Variants in PTPRU observed in about 807,000 individuals in gnomAD.
PTPRU encodes receptor-type tyrosine-protein phosphatase U.
A neutral mutation model predicts 166.3 loss-of-function variants in PTPRU; 69 were observed. The observed-to-expected ratio is 0.41, with a 90% CI of 0.34 to 0.51. The LOEUF (loss-of-function observed/expected upper bound fraction) is 0.51. Among genes scored for constraint, PTPRU ranks in the 20% least tolerant of loss-of-function variants. The pLI, the probability that PTPRU is intolerant of heterozygous loss-of-function variation, is 0.09. For synonymous variants in PTPRU, 793 were observed against 814.0 expected (o/e 0.97, Z 0.44); for missense variants, 1,657 against 2,013.7 (o/e 0.82, Z 3.39).
At chr1:29,305,460 C>CT (rs1400680013) in intron 18 of PTPRU, 32 bp downstream of exon 18, 1 of 1,594,400 alleles carries the variant, frequency 6.3e-7, no homozygotes, top group African/African-American at 1.3e-5. Context: ...TTCTGCAGAC[C>CT]TGGCCCTGCC....
At chr1:29,255,239 G>C in intron 1 of PTPRU, 36 bp from the exon 2 acceptor site, 1 of 1,603,256 alleles carries the variant, frequency 6.2e-7, no homozygotes, top group South Asian at 1.1e-5. Context: ...CAGCAGCCCT[G>C]CCTTAGCCTG....
intron 15 of PTPRU, among the ~76,000 whole-genome samples, chr1:29,292,711 C>G (rs961254879): frequency 2.6e-5 from 4 of 152,060 alleles, no homozygotes; most frequent in Non-Finnish European, 5.9e-5. Flanking sequence ...ATACAACAAA[C>G]AGCAATGAAC....
chr1:29,259,419 C>T, intron 4 of PTPRU, 30 bp from the exon 5 acceptor site: 1 of 1,607,548 alleles, frequency 6.2e-7, no homozygotes, highest in South Asian at 1.1e-5. Flanking sequence ...GGGTGCAGGC[C>T]CAGCTCACGA....
chr1:29,284,751 C>CG lies in PTPRU; in HGVS notation c.2202dup (p.Pro735AlafsTer101). ...CCCAGCTGCCTGCAAGGAAAGCAAG[C>CG]GGCCCCTGGAGGTGTCCCAGAGATC... On this transcript the variant is annotated frameshift_variant, in exon 14 of 30. Transcript: ENST00000373779. LOFTEE classifies it high-confidence loss of function. 1 of 1,614,084 alleles carries CG rather than the reference C, an allele frequency of 6.2e-7. No individual in the cohort carries two copies. The highest frequency in any genetic ancestry group is 8.5e-7 in the Non-Finnish European group (1 of 1,179,988).
chr1:29,285,728 C>A (rs1443539453), intron 14 of PTPRU, among the ~76,000 whole-genome samples: 1 of 152,198 alleles, frequency 6.6e-6, no homozygotes, highest in Non-Finnish European at 1.5e-5. Flanking sequence ...AAAACCCTTC[C>A]CTGGGAGCCT....
intron 7 of PTPRU, among the ~76,000 whole-genome samples, chr1:29,269,947 T>C (rs910242988): frequency 1.4e-4 from 21 of 152,130 alleles, no homozygotes; most frequent in African/African-American, 4.8e-4. Flanking sequence ...TAGAAGTCCA[T>C]TGAATGTCCC....
intron 15 of PTPRU, among the ~76,000 whole-genome samples, chr1:29,298,684 G>C (rs576410440): frequency 6.6e-6 from 1 of 152,316 alleles, no homozygotes; most frequent in South Asian, 2.1e-4. Flanking sequence ...ATAAGTGCCA[G>C]GTTTTTTCAT....
At chr1:29,267,288 G>A (rs996743173) in intron 7 of PTPRU, among the ~76,000 whole-genome samples, 14 of 152,268 alleles carry the variant, frequency 9.2e-5, no homozygotes, top group African/African-American at 3.1e-4. Context: ...TATATATGAA[G>A]GGCCAACTAT....
At chr1:29,318,559 A>G (rs1178737186) in intron 25 of PTPRU, among the ~76,000 whole-genome samples, 3 of 152,188 alleles carry the variant, frequency 2.0e-5, no homozygotes, top group Non-Finnish European at 4.4e-5. Context: ...CCTCTGCCAC[A>G]CTGGAACCAG....
chr1:29,271,598 A>G lies in PTPRU; in HGVS notation c.1145-3850A>G, dbSNP rs1022536813. On this transcript the variant is annotated intron_variant, in intron 7 of 29. Transcript: ENST00000373779. The surrounding 1 kb of genome is among the most constrained non-coding windows in gnomAD (Gnocchi z 4.4). ...TTGAGTAGGTTGCCAGTATTTAAAA[A>G]TCTGGAGATTTCACATAAAAATTGG... Among the ~76,000 whole-genome samples, 2 of 152,172 alleles carry G rather than the reference A, an allele frequency of 1.3e-5. No homozygotes were observed. Among genetic ancestry groups the G allele is most frequent in the African/African-American group, 4.8e-5 (2 of 41,436 alleles).
chr1:29,242,601 A>G (rs1684106999), intron 1 of PTPRU, among the ~76,000 whole-genome samples: 1 of 152,190 alleles, frequency 6.6e-6, no homozygotes, highest in Non-Finnish European at 1.5e-5. Context: ...CAAGAGTCAT[A>G]TGTTGCTAGT....
In PTPRU at chr1:29,260,583, CCTCGCCT is replaced by C. The variant is rs779418158; in HGVS notation, c.851-23_851-17del. On this transcript the variant is annotated intron_variant, in intron 6 of 29. Transcript: ENST00000373779. The surrounding 1 kb of genome is among the most constrained non-coding windows in gnomAD (Gnocchi z 8.3). ...GGGGTCTCACAGCAGCATCGGTCCG[CCTCGCCT>C]CTCCCCCATCTCCTCGCAGAGCCCC... The C allele has an allele frequency of 6.8e-7, 1 of 1,474,962 alleles. No individual in the cohort carries two copies. The highest frequency in any genetic ancestry group is 1.4e-5 in the South Asian group (1 of 71,616). The allele number at this position is 1,474,962 out of a possible 1,614,324, so 91.4% of individuals were successfully genotyped here.
intron 26 of PTPRU, among the ~76,000 whole-genome samples, chr1:29,321,523 C>A (rs2151971270): frequency 6.6e-6 from 1 of 152,358 alleles, no homozygotes; most frequent in South Asian, 2.1e-4. Context: ...CCAGCCTCAG[C>A]TGCCTCATTC....
intron 1 of PTPRU, among the ~76,000 whole-genome samples, chr1:29,245,552 T>C (rs1164639775): frequency 6.6e-6 from 1 of 152,202 alleles, no homozygotes; most frequent in African/African-American, 2.4e-5. Flanking sequence ...CACAGCCCTG[T>C]GTCTCAGCCC....
chr1:29,259,087 A>G (rs1412578774), intron 3 of PTPRU, among the ~76,000 whole-genome samples, 174 bp from the exon 4 acceptor site: 1 of 152,094 alleles, frequency 6.6e-6, no homozygotes, highest in Non-Finnish European at 1.5e-5. Context: ...CTTGTTCACT[A>G]TGGGCGCTGG....
intron 15 of PTPRU, among the ~76,000 whole-genome samples, chr1:29,296,178 GGT>G (rs1231241437): frequency 1.3e-5 from 2 of 152,144 alleles, no homozygotes; most frequent in East Asian, 3.8e-4. Flanking sequence ...TGAATAGACT[GGT>G]TGTAGCTGGA....
chr1:29,278,239 C>T (rs1004564880), intron 8 of PTPRU, among the ~76,000 whole-genome samples: 7 of 152,194 alleles, frequency 4.6e-5, no homozygotes, highest in African/African-American at 1.4e-4. Flanking sequence ...CTTGCTGCCG[C>T]ACGTGCACAG....
chr1:29,283,970 A>G lies in PTPRU; in HGVS notation c.2173A>G (p.Arg725Gly). The G allele has an allele frequency of 1.2e-6, 2 of 1,613,748 alleles. No homozygotes were observed. Among genetic ancestry groups the G allele is most frequent in the Non-Finnish European group, 1.7e-6 (2 of 1,180,018 alleles). Reference protein sequence around the residue: ...ETRLNCIRIARKAACKESKRP... With the variant: ...ETRLNCIRIAGKAACKESKRP... ...CCGGCTGAATTGCATCCGCATTGCC[A>G]GGAAAGGTAAGTCCGCTGAGTTCCT... is the stretch of plus-strand genomic sequence containing the variant. Residue 725 changes from arginine (R) to glycine (G), a missense_variant, in exon 13 of 30, where the codon AGG (arginine) becomes GGG (glycine). This residue lies in a region of PTPRU where 1,190 missense variants were observed against 1,477.4 expected (regional missense o/e 0.81). Coordinates refer to ENST00000373779, the MANE Select transcript of PTPRU (RefSeq NM_133178.4).
intron 18 of PTPRU, among the ~76,000 whole-genome samples, chr1:29,306,688 C>A (rs933165342): frequency 1.3e-5 from 2 of 152,138 alleles, no homozygotes; most frequent in African/African-American, 4.8e-5. Flanking sequence ...GCCTGGGGGG[C>A]CAGGCAGAGC....
Sources: allele counts gnomAD v4.1 joint callset (sites outside exome capture counted in the v4.1 genomes callset), GRCh38; gene constraint gnomAD v4.1.1; regional missense constraint gnomAD v4.1.1; non-coding constraint Gnocchi (gnomAD v3.1); transcripts MANE v1.5; gene names NCBI Gene and HGNC (gene_info 2026-07-23, HGNC 2026-07-21).